GFOD1: variants seen among roughly 807,000 people sequenced by gnomAD.
GFOD1 encodes the protein glucose-fructose oxidoreductase domain-containing protein 1.
In GFOD1, 9 loss-of-function variants were observed where a neutral mutation model predicts 25.4. The observed-to-expected ratio is 0.35, with a 90% CI of 0.21 to 0.62. GFOD1 has a LOEUF of 0.62. Among genes scored for constraint, GFOD1 ranks in the 20% least tolerant of loss-of-function variants. The probability of loss-of-function intolerance (pLI) is 0.72; values close to 1 mark genes in which losing one functional copy is unlikely to be tolerated. For synonymous variants in GFOD1, 253 were observed against 245.6 expected (o/e 1.03, Z -0.28); for missense variants, 403 against 556.9 (o/e 0.72, Z 2.78).
At chr6:13,428,377 G>A (rs1442522689) in intron 1 of GFOD1, among the ~76,000 whole-genome samples, 2 of 152,156 alleles carry the variant, frequency 1.3e-5, no homozygotes, top group Non-Finnish European at 2.9e-5. Flanking sequence ...TGGGGGGCTG[G>A]GGAGGAAGTG....
At chr6:13,370,890 C>T (rs1286668393) in intron 1 of GFOD1, among the ~76,000 whole-genome samples, 1 of 152,116 alleles carries the variant, frequency 6.6e-6, no homozygotes, top group Non-Finnish European at 1.5e-5. Flanking sequence ...GGATTTCTCC[C>T]GAAGAAAGCA....
intron 1 of GFOD1, chr6:13,469,786 A>G (rs957894182): frequency 3.9e-5 from 44 of 1,142,070 alleles, no homozygotes; most frequent in Non-Finnish European, 4.9e-5. Context: ...ACCTCTCTAC[A>G]GTGAAATTTC....
At chr6:13,446,801 G>A (rs1465050873) in intron 1 of GFOD1, among the ~76,000 whole-genome samples, 1 of 152,224 alleles carries the variant, frequency 6.6e-6, no homozygotes, top group African/African-American at 2.4e-5. Flanking sequence ...GGATGTTAGA[G>A]ATCAGAAGCA....
intron 1 of GFOD1, among the ~76,000 whole-genome samples, chr6:13,426,420 T>C (rs1562215580): frequency 6.6e-6 from 1 of 152,160 alleles, no homozygotes; most frequent in Non-Finnish European, 1.5e-5. Context: ...ACAAGGGAAA[T>C]GGGAGCAGTG....
rs557724411 is a variant in GFOD1, at chr6:13,462,858, T to C, written c.253+23780A>G. Among the ~76,000 whole-genome samples the C allele has an allele frequency of 1.8e-4, 28 of 152,330 alleles. No individual in the cohort carries two copies. In the South Asian group the frequency reaches 5.6e-3, roughly 30 times the overall value. On this transcript the variant is annotated intron_variant, in intron 1 of 1. Coordinates refer to ENST00000379287, the MANE Select transcript of GFOD1 (RefSeq NM_018988.4). ...AAACTGCCACTGTCATCTCCGTTCG[T>C]AACATTCTGCCTCTCGGCTGAGAGA...
intron 1 of GFOD1, among the ~76,000 whole-genome samples, chr6:13,478,363 C>A (rs929997838): frequency 3.9e-5 from 6 of 152,186 alleles, no homozygotes; most frequent in Non-Finnish European, 8.8e-5. Flanking sequence ...TGGTCTCGAA[C>A]TCCTGACCTC....
intron 1 of GFOD1, among the ~76,000 whole-genome samples, chr6:13,453,589 T>C (rs1758136600): frequency 6.6e-6 from 1 of 152,188 alleles, no homozygotes; most frequent in Non-Finnish European, 1.5e-5. Flanking sequence ...GCATCCTCAA[T>C]AAAACTATAT....
intron 1 of GFOD1, among the ~76,000 whole-genome samples, chr6:13,479,517 A>G (rs926289459): frequency 6.6e-6 from 1 of 152,210 alleles, no homozygotes; most frequent in African/African-American, 2.4e-5. Flanking sequence ...TGAGTCAAAT[A>G]TATAACTAAG....
chr6:13,391,722 C>A (rs1411958547), intron 1 of GFOD1, among the ~76,000 whole-genome samples: 2 of 152,170 alleles, frequency 1.3e-5, no homozygotes, highest in Admixed American at 6.5e-5. Flanking sequence ...TACCACGTAT[C>A]TGGACAAGTA....
intron 1 of GFOD1, among the ~76,000 whole-genome samples, chr6:13,482,948 T>C (rs1278673536): frequency 2.6e-5 from 4 of 151,132 alleles, no homozygotes; most frequent in Non-Finnish European, 5.9e-5. Context: ...AATATATGTA[T>C]ATATTATGTG....
chr6:13,486,999 G>C lies in GFOD1; in HGVS notation c.-109C>G, dbSNP rs9382141. The C allele has an allele frequency of 0.14, 191,973 of 1,352,526 alleles. 14,241 individuals carry two copies. The highest frequency in any genetic ancestry group is 0.18 in the Middle Eastern group (681 of 3,768). The allele number at this position is 1,352,526 out of a possible 1,614,324, so 83.8% of individuals were successfully genotyped here. ...CCCCGCTCCTGTAGCCAATCTAGCCGCGGTGCGCCAGCCGCCGTGCACCGG... is the reference window on the plus strand; with the variant it reads ...CCCCGCTCCTGTAGCCAATCTAGCCCCGGTGCGCCAGCCGCCGTGCACCGG... On this transcript the variant is annotated 5_prime_UTR_variant, in exon 1 of 2. Transcript: ENST00000379287.
In GFOD1 at chr6:13,409,163, A is replaced by AAAGGAAGG. The variant is rs1562209491; in HGVS notation, c.254-43502_254-43501insCCTTCCTT. Among the ~76,000 whole-genome samples the AAAGGAAGG allele has an allele frequency of 9.8e-5, 6 of 61,356 alleles. 2 individuals carry two copies. Among genetic ancestry groups the AAAGGAAGG allele is most frequent in the Admixed American group, 3.7e-4 (2 of 5,460 alleles). 40.3% of individuals were successfully genotyped at this position (61,356 alleles called of 152,430 possible). A position where few individuals can be genotyped will look rare whatever the true frequency, so the allele number is the denominator to read the frequency against. On this transcript the variant is annotated intron_variant, in intron 1 of 1. Coordinates refer to ENST00000379287, the MANE Select transcript of GFOD1 (RefSeq NM_018988.4). ...AAAGAAAGAAAGAGAGGAAAGAAAGAAAGGAAAGAGAGAGAGAGAGAGAAA... is the reference window on the plus strand; with the variant it reads ...AAAGAAAGAAAGAGAGGAAAGAAAGAAAGGAAGGAAGGAAAGAGAGAGAGAGAGAGAAA...
At chr6:13,450,159 A>G (rs1758070070) in intron 1 of GFOD1, among the ~76,000 whole-genome samples, 1 of 152,090 alleles carries the variant, frequency 6.6e-6, no homozygotes, top group African/African-American at 2.4e-5. Flanking sequence ...CTAGACCACA[A>G]ATGATCTGGC....
At chr6:13,437,410 G>T (rs769156580) in intron 1 of GFOD1, among the ~76,000 whole-genome samples, 1 of 152,166 alleles carries the variant, frequency 6.6e-6, no homozygotes, top group East Asian at 1.9e-4. Flanking sequence ...CTTTCTGCAA[G>T]GCTAGAATTG....
chr6:13,386,473 C>T (rs1410400815), intron 1 of GFOD1, among the ~76,000 whole-genome samples: 1 of 152,170 alleles, frequency 6.6e-6, no homozygotes, highest in Non-Finnish European at 1.5e-5. Flanking sequence ...CAGCAGCCAG[C>T]GTCAGCAGAA....
chr6:13,371,737 C>T (rs370024242), intron 1 of GFOD1, among the ~76,000 whole-genome samples: 3 of 152,170 alleles, frequency 2.0e-5, no homozygotes, highest in East Asian at 1.9e-4. Flanking sequence ...GGTAGAGGAA[C>T]GGGAGGGGCT....
chr6:13,460,170 C>G (rs1481736742), intron 1 of GFOD1, among the ~76,000 whole-genome samples: 3 of 151,970 alleles, frequency 2.0e-5, no homozygotes, highest in African/African-American at 7.2e-5. Context: ...ATAACAGATG[C>G]CGGCAAGGCT....
At chr6:13,452,123 C>T (rs1758108649) in intron 1 of GFOD1, among the ~76,000 whole-genome samples, 1 of 152,054 alleles carries the variant, frequency 6.6e-6, no homozygotes, top group Admixed American at 6.5e-5. Context: ...TGATTCTGAT[C>T]CTTCCTGAGG....
At chr6:13,429,498 G>A (rs548893203) in intron 1 of GFOD1, among the ~76,000 whole-genome samples, 2 of 152,220 alleles carry the variant, frequency 1.3e-5, no homozygotes, top group Admixed American at 6.5e-5. Flanking sequence ...AGACAGAAAA[G>A]TTTGGGTTTA....
Sources: gnomAD v4.1 joint callset for allele counts (sites outside exome capture counted in the v4.1 genomes callset) on GRCh38, gnomAD v4.1.1 for gene constraint, MANE v1.5 for transcripts, NCBI Gene and HGNC (gene_info 2026-07-23, HGNC 2026-07-21) for gene names.